TENM3: variants seen among roughly 807,000 people sequenced by gnomAD.
TENM3 encodes teneurin transmembrane protein 3.
A neutral mutation model predicts 255.1 loss-of-function variants in TENM3; 63 were observed. The ratio of observed to expected loss-of-function variants is 0.25; its 90% CI spans 0.20 to 0.30. The LOEUF (loss-of-function observed/expected upper bound fraction) is 0.30, where lower values mean the gene tolerates loss of function less well. Among genes scored for constraint, TENM3 ranks in the 10% least tolerant of loss-of-function variants. The pLI, the probability that TENM3 is intolerant of heterozygous loss-of-function variation, is 1.00. For missense variants in TENM3, 2,929 were observed against 3,461.1 expected (o/e 0.85, Z 3.86); for synonymous variants, 1,306 against 1,322.3 (o/e 0.99, Z 0.27).
At chr4:181,635,704 G>A in the TENM3 span, among the ~76,000 whole-genome samples, 1 of 152,206 alleles carries the variant, frequency 6.6e-6, no homozygotes, top group Admixed American at 6.5e-5. Context: ...TCAACCTAGG[G>A]TGATGCTTCT....
At chr4:181,746,536 G>T in the TENM3 span, among the ~76,000 whole-genome samples, 1 of 152,230 alleles carries the variant, frequency 6.6e-6, no homozygotes, top group Admixed American at 6.5e-5. Context: ...ACAGTAGTCT[G>T]TGGGTAGTAA....
the TENM3 span, among the ~76,000 whole-genome samples, chr4:181,505,097 G>T: frequency 6.6e-6 from 1 of 152,156 alleles, no homozygotes; most frequent in African/African-American, 2.4e-5. Context: ...TTTCTGAAAT[G>T]ACCTCGAGAC....
At chr4:182,379,330 C>G (rs928596465) in intron 3 of TENM3, among the ~76,000 whole-genome samples, 1 of 152,098 alleles carries the variant, frequency 6.6e-6, no homozygotes, top group Non-Finnish European at 1.5e-5. Flanking sequence ...GCACTCCAGC[C>G]TGGGCAATAG....
intron 4 of TENM3, among the ~76,000 whole-genome samples, chr4:182,616,190 G>C (rs17073634): frequency 0.11 from 17,173 of 152,190 alleles, 1,767 homozygotes; most frequent in East Asian, 0.44. Flanking sequence ...CAAAACCGGC[G>C]CTTCCTTATC....
chr4:181,812,220 T>C, the TENM3 span, among the ~76,000 whole-genome samples: 1 of 152,380 alleles, frequency 6.6e-6, no homozygotes, highest in Middle Eastern at 3.4e-3. Flanking sequence ...GTAACAACGC[T>C]AACTAAACTT....
At chr4:182,329,598 A>G (rs948606769) in intron 2 of TENM3, among the ~76,000 whole-genome samples, 9 of 152,220 alleles carry the variant, frequency 5.9e-5, no homozygotes, top group African/African-American at 2.2e-4. Flanking sequence ...GCTTGTAATG[A>G]AAATGAACAA....
chr4:182,193,122 A>G (rs1035068036), intron 1 of TENM3, among the ~76,000 whole-genome samples: 2 of 152,320 alleles, frequency 1.3e-5, no homozygotes, highest in African/African-American at 2.4e-5. Context: ...GGCATGAAGT[A>G]TACACCATCA....
the TENM3 span, among the ~76,000 whole-genome samples, chr4:181,617,493 A>G: frequency 6.6e-6 from 1 of 152,172 alleles, no homozygotes. Flanking sequence ...GCTTCCCTGC[A>G]GTAGGAACAG....
chr4:181,683,512 G>T, the TENM3 span, among the ~76,000 whole-genome samples: 1,749 of 151,960 alleles, frequency 0.012, 34 homozygotes, highest in African/African-American at 0.04. Flanking sequence ...TAAGTCTAGT[G>T]GGGGGGCCAA....
intron 3 of TENM3, among the ~76,000 whole-genome samples, chr4:182,558,642 C>A (rs1358079494): frequency 6.6e-6 from 1 of 151,896 alleles, no homozygotes; most frequent in African/African-American, 2.4e-5. Context: ...ATCAATGCAA[C>A]AAAACAAAAA....
chr4:181,848,372 A>G, the TENM3 span, among the ~76,000 whole-genome samples: 7 of 152,218 alleles, frequency 4.6e-5, no homozygotes, highest in Non-Finnish European at 8.8e-5. Context: ...AGTAGATTCA[A>G]AGTCCTTTAA....
chr4:182,203,880 G>A (rs1579703318), intron 1 of TENM3, among the ~76,000 whole-genome samples: 1 of 152,318 alleles, frequency 6.6e-6, no homozygotes, highest in East Asian at 1.9e-4. Context: ...ACAAGACCTC[G>A]TGGAATCATT....
chr4:182,267,849 G>T (rs959575454), intron 1 of TENM3, among the ~76,000 whole-genome samples: 7 of 152,200 alleles, frequency 4.6e-5, no homozygotes, highest in Non-Finnish European at 7.4e-5. Context: ...ACCAGAAAGA[G>T]AAATATTATG....
chr4:182,368,730 A>G (rs1766592312), intron 3 of TENM3, among the ~76,000 whole-genome samples: 1 of 152,174 alleles, frequency 6.6e-6, no homozygotes, highest in Non-Finnish European at 1.5e-5. Flanking sequence ...TCTTTAAAGG[A>G]TAAGAATATT....
At chr4:181,548,217 T>A in the TENM3 span, among the ~76,000 whole-genome samples, 1 of 152,214 alleles carries the variant, frequency 6.6e-6, no homozygotes, top group African/African-American at 2.4e-5. Flanking sequence ...TTAGTGGGAC[T>A]GTAAACTAGT....
chr4:181,964,210 A>C, the TENM3 span, among the ~76,000 whole-genome samples: 1 of 151,980 alleles, frequency 6.6e-6, no homozygotes, highest in Non-Finnish European at 1.5e-5. Flanking sequence ...TTAGGTGGTG[A>C]CCACAGAGGC....
At chr4:181,617,421 G>T in the TENM3 span, among the ~76,000 whole-genome samples, 1 of 152,186 alleles carries the variant, frequency 6.6e-6, no homozygotes, top group African/African-American at 2.4e-5. Context: ...CCCTGCAAAG[G>T]TAACAAACAT....
At position 182,177,613 on chromosome 4, in the gene TENM3, TA is replaced by T. The variant is rs150613446; in HGVS notation, c.-76+32860del. On this transcript the variant is annotated intron_variant, in intron 1 of 2. Coordinates refer to the TENM3 transcript ENST00000512480. The stretch of plus-strand genomic sequence containing the variant: ...CATATTTGGCATACATATATATATA[TA>T]TTTTTTTTTTTTTTGCTCTACCCTC... Among the ~76,000 whole-genome samples, 1,304 of 128,594 alleles carry T rather than the reference TA, an allele frequency of 0.01. 122 individuals carry two copies. In the East Asian group the frequency reaches 0.22, roughly 22 times the overall value. 84.4% of individuals were successfully genotyped at this position (128,594 alleles called of 152,430 possible). A position where few individuals can be genotyped will look rare whatever the true frequency, so the allele number is the denominator to read the frequency against.
At chr4:181,584,934 A>G in the TENM3 span, among the ~76,000 whole-genome samples, 1 of 151,822 alleles carries the variant, frequency 6.6e-6, no homozygotes, top group African/African-American at 2.4e-5. Flanking sequence ...GGGATGCGGT[A>G]AAGCTAAGGA....
Sources: allele counts gnomAD v4.1 joint callset (sites outside exome capture counted in the v4.1 genomes callset), GRCh38; gene constraint gnomAD v4.1.1; transcripts MANE v1.5; gene names NCBI Gene and HGNC (gene_info 2026-07-23, HGNC 2026-07-21).